The following RARB variants were observed in gnomAD, a reference collection of about 807,000 sequenced individuals.
RARB encodes the protein retinoic acid receptor beta, also known as HBV-activated protein.
Under a neutral mutation model 51.9 loss-of-function variants are expected in RARB, and 17 were observed. The observed-to-expected ratio is 0.33, with a 90% CI of 0.22 to 0.49. The LOEUF is 0.49. Ranked by LOEUF, RARB falls within the 20% of genes least tolerant of loss-of-function variation. The probability of loss-of-function intolerance (pLI) is 0.99; values close to 1 mark genes in which losing one functional copy is unlikely to be tolerated. For missense variants in RARB, 369 were observed against 550.8 expected (o/e 0.67, Z 3.30); for synonymous variants, 215 against 195.4 (o/e 1.10, Z -0.84).
At chr3:25,211,363 A>G (rs1437212553) in intron 5 of RARB, among the ~76,000 whole-genome samples, 1 of 152,230 alleles carries the variant, frequency 6.6e-6, no homozygotes, top group Non-Finnish European at 1.5e-5. Flanking sequence ...ACAAAGACGC[A>G]GGAAAGAATG....
intron 2 of RARB, among the ~76,000 whole-genome samples, chr3:25,041,391 G>C (rs975000490): frequency 1.3e-5 from 2 of 151,794 alleles, no homozygotes; most frequent in African/African-American, 4.8e-5. Context: ...TTTTTACTTG[G>C]AAAGTTCATA....
At chr3:24,954,717 T>G (rs4858669) in intron 2 of RARB, among the ~76,000 whole-genome samples, 73,620 of 151,816 alleles carry the variant, frequency 0.48, 18,773 homozygotes, top group East Asian at 0.61. Flanking sequence ...GAATTTGGGG[T>G]TCTTTCCCCA....
chr3:24,862,328 A>G (rs1702768014), intron 2 of RARB, among the ~76,000 whole-genome samples: 1 of 152,202 alleles, frequency 6.6e-6, no homozygotes. Flanking sequence ...ATGATTTTTC[A>G]TCTTCAAGGA....
At chr3:24,844,934 G>T (rs1372976554) in intron 1 of RARB, among the ~76,000 whole-genome samples, 1 of 152,114 alleles carries the variant, frequency 6.6e-6, no homozygotes, top group East Asian at 1.9e-4. Flanking sequence ...GAAATATGGT[G>T]AAATCACAAT....
rs146279991 is a variant in RARB, at chr3:25,031,149, C to T, written c.-379-28976C>T. Among the ~76,000 whole-genome samples, 633 of 152,262 alleles carry T rather than the reference C, an allele frequency of 4.2e-3. 2 individuals carry two copies. The highest frequency in any genetic ancestry group is 0.015 in the African/African-American group (604 of 41,540). On this transcript the variant is annotated intron_variant, in intron 2 of 11. Coordinates refer to the RARB transcript ENST00000383772. ...ACTCACTAGGTGCCACTAGCACCACCCTCGCCAAGTTGTGACAACCAAATA... is the reference window on the plus strand; with the variant it reads ...ACTCACTAGGTGCCACTAGCACCACTCTCGCCAAGTTGTGACAACCAAATA...
In RARB at chr3:25,594,674, T is replaced by A. The variant is rs760062645; in HGVS notation, c.1146T>A (p.Ala382=). 3.7e-6 allele frequency: 6 copies of A among 1,609,462 alleles called. No individual in the cohort carries two copies. In the Admixed American group the frequency reaches 8.5e-5, roughly 23 times the overall value. ...TCACAGATCTCCGTAGCATCAGTGC[T>A]AAAGGTATGTCTTCGTGCTCTCAGT... ...MKITDLRSIS[A]KGAERVITLK... Residue 382 remains alanine (A), a synonymous_variant, in exon 7 of 8, where the codon GCT becomes GCA. Transcript: ENST00000330688.
At chr3:25,424,405 G>C (rs1200068011), upstream of RARB, among the ~76,000 whole-genome samples, 6 of 152,178 alleles carry the variant, frequency 3.9e-5, no homozygotes, top group Non-Finnish European at 7.3e-5. Context: ...CTGCCTGCTA[G>C]TATGGAAGCC....
intron 5 of RARB, among the ~76,000 whole-genome samples, chr3:25,175,545 C>A (rs1005377911): frequency 6.6e-6 from 1 of 152,218 alleles, no homozygotes; most frequent in Admixed American, 6.5e-5. Context: ...CCTTCTACTA[C>A]ATCCTTAGCT....
chr3:24,971,019 C>G (rs1417050809), intron 2 of RARB, among the ~76,000 whole-genome samples: 1 of 151,962 alleles, frequency 6.6e-6, no homozygotes, highest in Non-Finnish European at 1.5e-5. Context: ...TATCATCGTT[C>G]TAGTATTCCA....
chr3:24,883,708 A>C (rs1703216596), intron 2 of RARB, among the ~76,000 whole-genome samples: 1 of 152,114 alleles, frequency 6.6e-6, no homozygotes, highest in Non-Finnish European at 1.5e-5. Context: ...CCTCAGAGAA[A>C]AATGATGAAA....
chr3:25,468,433 A>G (rs1384799652), intron 2 of RARB, among the ~76,000 whole-genome samples: 1 of 142,016 alleles, frequency 7.0e-6, no homozygotes, highest in Admixed American at 7.3e-5. Context: ...ACAGCTCTGC[A>G]AGGTAGGCTC....
intron 1 of RARB, among the ~76,000 whole-genome samples, chr3:24,838,430 G>A (rs1217590951): frequency 2.0e-5 from 3 of 152,120 alleles, no homozygotes; most frequent in Non-Finnish European, 4.4e-5. Context: ...GCTTACCAGG[G>A]CCCATGAAGT....
chr3:25,569,973 T>C, intron 4 of RARB, 55 bp downstream of exon 4: 4 of 1,506,880 alleles, frequency 2.7e-6, no homozygotes, highest in Non-Finnish European at 9.0e-7. Flanking sequence ...TGTACGTGCA[T>C]GTGTGCAGAC....
intron 4 of RARB, among the ~76,000 whole-genome samples, chr3:25,154,502 C>A (rs565716617): frequency 7.4e-4 from 112 of 152,312 alleles, no homozygotes; most frequent in African/African-American, 2.6e-3. Flanking sequence ...AGTCTCCTGG[C>A]TGGTTGTCCA....
In RARB at chr3:25,234,961, G is replaced by C. The variant is rs1470617889; in HGVS notation, c.178+60386G>C. ...TGGGAACATTCTTAGAGCAGGACTT[G>C]GGAGAAAAAAAGGAGGGAGAAATAA... On this transcript the variant is annotated intron_variant, in intron 5 of 11. Transcript: ENST00000383772. 2.6e-5 allele frequency among the ~76,000 whole-genome samples: 4 copies of C among 152,000 alleles called. No homozygotes were observed. In the East Asian group the frequency reaches 7.8e-4, roughly 29 times the overall value.
intron 4 of RARB, among the ~76,000 whole-genome samples, chr3:25,141,343 G>C (rs1700103769): frequency 6.6e-6 from 1 of 151,678 alleles, no homozygotes; most frequent in Non-Finnish European, 1.5e-5. Flanking sequence ...ATTAACTTCG[G>C]GTTCCTTTGA....
intron 3 of RARB, among the ~76,000 whole-genome samples, chr3:25,526,720 T>A (rs1229778828): frequency 6.6e-6 from 1 of 152,112 alleles, no homozygotes. Flanking sequence ...GGTTACTAGT[T>A]CTCTGGCTTC....
chr3:25,235,791 C>T (rs1702289191), intron 5 of RARB, among the ~76,000 whole-genome samples: 1 of 152,142 alleles, frequency 6.6e-6, no homozygotes, highest in African/African-American at 2.4e-5. Context: ...CTATTACTCA[C>T]TTTTGTTTTG....
Position 25,064,618 on chromosome 3 carries a change from T to C in RARB, c.-328+4442T>C, listed in dbSNP as rs529653394. On this transcript the variant is annotated intron_variant, in intron 3 of 11. Transcript: ENST00000383772. Reference sequence around the variant, plus strand: ...CACCCAGTGCTATTGTGAAATGTAGTTAGGGAAAATAGGAAGAGAGCTAAT... The same window carrying C: ...CACCCAGTGCTATTGTGAAATGTAGCTAGGGAAAATAGGAAGAGAGCTAAT... 7.2e-5 allele frequency among the ~76,000 whole-genome samples: 11 copies of C among 152,158 alleles called. No homozygotes were observed. The Middle Eastern group carries it at 0.01, about 141-fold the overall frequency.
Sources: allele counts gnomAD v4.1 joint callset (sites outside exome capture counted in the v4.1 genomes callset), GRCh38; gene constraint gnomAD v4.1.1; transcripts MANE v1.5; gene names NCBI Gene and HGNC (gene_info 2026-07-23, HGNC 2026-07-21).